The following ANO6 variants were observed in gnomAD, a reference collection of about 807,000 sequenced individuals.
ANO6 encodes the protein anoctamin-6.
Under a neutral mutation model 117.5 loss-of-function variants are expected in ANO6, and 106 were observed. The observed-to-expected ratio is 0.90, with a 90% CI of 0.77 to 1.06. ANO6 has a LOEUF of 1.06. Ranked by LOEUF, ANO6 falls within the 50% of genes least tolerant of loss-of-function variation. ANO6 has a pLI of 0.00. For missense variants in ANO6, 955 were observed against 1,121.1 expected, an observed-to-expected ratio of 0.85 and a Z score of 2.12; for synonymous variants, 367 against 385.1, an observed-to-expected ratio of 0.95 and a Z score of 0.55.
At chr12:45,403,318 T>C (rs1942845259) in intron 14 of ANO6, 77 bp downstream of exon 14, 1 of 1,555,606 alleles carries the variant, frequency 6.4e-7, no homozygotes, top group Non-Finnish European at 8.8e-7. Context: ...TAGTTTTTTA[T>C]TGTAAATTCC....
intron 1 of ANO6, among the ~76,000 whole-genome samples, chr12:45,275,394 G>A (rs1938523496): frequency 6.6e-6 from 1 of 152,054 alleles, no homozygotes; most frequent in African/African-American, 2.4e-5. Flanking sequence ...ATTTTTAGTA[G>A]AGATGGGGTT....
chr12:45,433,289 TTGCTATAGCA>T (rs1379400441), downstream of ANO6, among the ~76,000 whole-genome samples: 2 of 152,230 alleles, frequency 1.3e-5, no homozygotes, highest in African/African-American at 4.8e-5. Context: ...CTGACTCCCT[TTGCTATAGCA>T]TGCTCTGAAT....
intron 16 of ANO6, among the ~76,000 whole-genome samples, chr12:45,416,328 T>TAAAA (rs11424180): frequency 6.7e-6 from 1 of 150,188 alleles, no homozygotes. Context: ...TCTTTTTTCT[T>TAAAA]AAAAAAAAAA....
chr12:45,251,656 C>G (rs533998616), intron 1 of ANO6, among the ~76,000 whole-genome samples: 14 of 152,268 alleles, frequency 9.2e-5, no homozygotes, highest in Admixed American at 6.5e-4. Context: ...TCGCAGGTAC[C>G]TTTCTCATCA....
At chr12:45,280,215 TA>T (rs1938679423) in intron 1 of ANO6, among the ~76,000 whole-genome samples, 1 of 152,232 alleles carries the variant, frequency 6.6e-6, no homozygotes. Context: ...CATCTCTGTA[TA>T]TTTTTTTTCT....
At chr12:45,298,588 C>T (rs1185290405) in intron 1 of ANO6, among the ~76,000 whole-genome samples, 1 of 152,152 alleles carries the variant, frequency 6.6e-6, no homozygotes, top group African/African-American at 2.4e-5. Context: ...AGAGCTGTGG[C>T]TTTGTTCTAC....
intron 1 of ANO6, among the ~76,000 whole-genome samples, chr12:45,245,436 T>G (rs557797780): frequency 1.6e-4 from 24 of 151,820 alleles, no homozygotes; most frequent in African/African-American, 5.5e-4. Flanking sequence ...TTTTTTTTTT[T>G]TGTGGGGAGA....
chr12:45,254,226 A>C (rs751086524), intron 1 of ANO6, among the ~76,000 whole-genome samples: 2 of 152,216 alleles, frequency 1.3e-5, no homozygotes, highest in Non-Finnish European at 2.9e-5. Flanking sequence ...TGGCACAGAG[A>C]GAAGGCAGTA....
intron 1 of ANO6, among the ~76,000 whole-genome samples, chr12:45,242,349 A>C (rs1190703304): frequency 3.3e-5 from 5 of 152,230 alleles, no homozygotes; most frequent in Non-Finnish European, 7.3e-5. Context: ...ACTAGCAGTG[A>C]GCAAGGCTCT....
At chr12:45,437,060 G>GA (rs1383007793), downstream of ANO6, among the ~76,000 whole-genome samples, 2 of 152,180 alleles carry the variant, frequency 1.3e-5, no homozygotes, top group Non-Finnish European at 2.9e-5. Flanking sequence ...AACCTGTGTG[G>GA]AAAAGACAAG....
chr12:45,278,657 T>G (rs1938625375), intron 1 of ANO6, among the ~76,000 whole-genome samples: 1 of 152,142 alleles, frequency 6.6e-6, no homozygotes. Flanking sequence ...ATGCAAGAGT[T>G]TTTTGTTGTT....
intron 1 of ANO6, among the ~76,000 whole-genome samples, chr12:45,273,244 T>C (rs1938445954): frequency 6.6e-6 from 1 of 152,196 alleles, no homozygotes; most frequent in Non-Finnish European, 1.5e-5. Flanking sequence ...ATGGAGTGTG[T>C]TAATTTGATT....
At chr12:45,246,124 T>C (rs990951885) in intron 1 of ANO6, among the ~76,000 whole-genome samples, 3 of 152,216 alleles carry the variant, frequency 2.0e-5, no homozygotes, top group Admixed American at 1.3e-4. Context: ...AGTATGTCTT[T>C]AATTGATTTT....
intron 15 of ANO6, among the ~76,000 whole-genome samples, chr12:45,408,777 A>G (rs947346044): frequency 3.3e-5 from 5 of 152,156 alleles, no homozygotes; most frequent in African/African-American, 4.8e-5. Context: ...TCTGTGAACC[A>G]TGGAGACCTG....
chr12:45,362,524 TTATATTTAATGTAA>T (rs1565719629), intron 8 of ANO6, among the ~76,000 whole-genome samples: 1 of 152,092 alleles, frequency 6.6e-6, no homozygotes, highest in East Asian at 1.9e-4. Flanking sequence ...TTTAGTTCAT[TTATATTTAATGTAA>T]TTACTCATGA....
chr12:45,278,159 G>A (rs920989010), intron 1 of ANO6, among the ~76,000 whole-genome samples: 3 of 152,050 alleles, frequency 2.0e-5, no homozygotes, highest in South Asian at 4.1e-4. Context: ...GTCTCTCTGT[G>A]TTGCCCAGGC....
intron 4 of ANO6, 121 bp from the exon 5 acceptor site, chr12:45,347,907 T>G: frequency 1.1e-6 from 1 of 943,152 alleles, no homozygotes; most frequent in Non-Finnish European, 1.6e-6. Context: ...TTATCTTCAC[T>G]TTTAGTGGTG....
intron 18 of ANO6, 122 bp from the exon 19 acceptor site, chr12:45,422,835 A>C: frequency 3.9e-6 from 3 of 778,440 alleles, no homozygotes; most frequent in Non-Finnish European, 4.6e-6. Flanking sequence ...CAGCCTCCCA[A>C]AGTGCTAGGA....
At chr12:45,234,916 A>G (rs1947624479) in intron 1 of ANO6, among the ~76,000 whole-genome samples, 5 of 151,886 alleles carry the variant, frequency 3.3e-5, no homozygotes, top group Admixed American at 3.3e-4. Flanking sequence ...TCTCAGAAAC[A>G]TGCCTAGGAC....
Sources: allele counts gnomAD v4.1 joint callset (sites outside exome capture counted in the v4.1 genomes callset), GRCh38; gene constraint gnomAD v4.1.1; transcripts MANE v1.5; gene names NCBI Gene and HGNC (gene_info 2026-07-23, HGNC 2026-07-21).